The following APLF variants were observed in gnomAD, a reference collection of about 807,000 sequenced individuals.
The protein encoded by APLF is aprataxin and PNKP like factor, also known as aprataxin and PNK-like factor.
In APLF, 61 loss-of-function variants were observed where a neutral mutation model predicts 55.6. The observed-to-expected ratio is 1.10, with a 90% CI of 0.89 to 1.36. The LOEUF (loss-of-function observed/expected upper bound fraction) is 1.36. APLF is among the 40% of genes most tolerant of loss of function. The pLI, the probability that APLF is intolerant of heterozygous loss-of-function variation, is 0.00. For missense variants in APLF, 611 were observed against 602.5 expected (o/e 1.01, Z -0.15); for synonymous variants, 207 against 214.8 (o/e 0.96, Z 0.32).
Position 68,513,106 on chromosome 2 carries a change from A to T in APLF, c.368A>T (p.Asn123Ile). Residue 123 changes from asparagine to isoleucine, a missense_variant, in exon 4 of 10, where the codon AAT (asparagine) becomes ATT (isoleucine). By Grantham distance (149) the Asn-to-Ile change is moderately radical (BLOSUM62 -3). Coordinates refer to ENST00000303795, the MANE Select transcript of APLF (RefSeq NM_173545.3). The part of the protein sequence containing the change: ...LRNSQVLDED[N>I]ILNETPKSPV... Reference sequence around the variant, plus strand: ...AACAGTCAAGTGCTTGATGAAGATAATATATTGAATGAAACACCAAAATCC... The same window carrying T: ...AACAGTCAAGTGCTTGATGAAGATATTATATTGAATGAAACACCAAAATCC... The T allele has an allele frequency of 6.2e-7, 1 of 1,609,704 alleles. No individual in the cohort carries two copies. The highest frequency in any genetic ancestry group is 8.5e-7 in the Non-Finnish European group (1 of 1,177,374).
chr2:68,567,263 G>A (rs952942863), intron 8 of APLF, 78 bp from the exon 9 acceptor site: 41 of 1,210,786 alleles, frequency 3.4e-5, no homozygotes, highest in Non-Finnish European at 4.8e-5. Context: ...AAGTTAGTCA[G>A]TGTTCTGGTT....
intron 6 of APLF, among the ~76,000 whole-genome samples, chr2:68,533,206 G>A (rs1215709264): frequency 6.6e-6 from 1 of 152,116 alleles, no homozygotes; most frequent in Non-Finnish European, 1.5e-5. Flanking sequence ...CCAGATGCTG[G>A]TGCCTTGATC....
Position 68,577,941 on chromosome 2 carries a change from G to A in APLF, c.1455G>A (p.Trp485Ter). 6.2e-7 allele frequency: 1 copy of A among 1,613,562 alleles called. No homozygotes were observed. The change falls in exon 10 of 10, where the codon TGG (tryptophan) becomes TGA (stop). Residue 485 changes from tryptophan (W) to a stop codon, truncating the protein, a stop_gained. Coordinates refer to ENST00000303795, the MANE Select transcript of APLF (RefSeq NM_173545.3). LOFTEE classifies it high-confidence loss of function. ...AGCCAACAGATGAAGATTCTGACTGGGAACCAGGAAAGGAAGATGAAGAGA... is the reference window on the plus strand; with the variant it reads ...AGCCAACAGATGAAGATTCTGACTGAGAACCAGGAAAGGAAGATGAAGAGA... ...DYEPTDEDSD[W>*]EPGKEDEEKE...
At chr2:68,502,068 C>T (rs1452734175) in intron 2 of APLF, among the ~76,000 whole-genome samples, 1 of 152,118 alleles carries the variant, frequency 6.6e-6, no homozygotes, top group Non-Finnish European at 1.5e-5. Context: ...GCATTTATTA[C>T]AGACCCACTC....
intron 8 of APLF, among the ~76,000 whole-genome samples, chr2:68,560,275 C>CT (rs1020400509): frequency 1.1e-4 from 16 of 152,212 alleles, no homozygotes; most frequent in Non-Finnish European, 2.2e-4. Flanking sequence ...TTACTACTGA[C>CT]TGAGTCTCTG....
chr2:68,468,830 G>C (rs1207607874), intron 1 of APLF, among the ~76,000 whole-genome samples: 1 of 152,158 alleles, frequency 6.6e-6, no homozygotes, highest in Non-Finnish European at 1.5e-5. Context: ...GGAGACACCT[G>C]TGTCAGTGAG....
intron 8 of APLF, chr2:68,563,234 C>G: frequency 1.0e-6 from 1 of 985,274 alleles, no homozygotes; most frequent in Non-Finnish European, 1.2e-6. Flanking sequence ...CAACTTTCCC[C>G]TTCTAAGGCA....
intron 2 of APLF, among the ~76,000 whole-genome samples, chr2:68,499,525 A>C (rs995202605): frequency 6.6e-6 from 1 of 152,170 alleles, no homozygotes; most frequent in Non-Finnish European, 1.5e-5. Flanking sequence ...GGTCCAATTC[A>C]ATCTCCTTTC....
rs1675468852 is a variant in APLF, at chr2:68,467,635, T to A, written c.-97T>A. 2.8e-6 allele frequency: 3 copies of A among 1,072,078 alleles called. No homozygotes were observed. Among genetic ancestry groups the A allele is most frequent in the Admixed American group, 4.3e-5 (1 of 23,488 alleles). 66.4% of individuals were successfully genotyped at this position (1,072,078 alleles called of 1,614,324 possible). On this transcript the variant is annotated 5_prime_UTR_variant, in exon 1 of 10. Transcript: ENST00000303795. Reference sequence around the variant, plus strand: ...GCCTTTGAGGCCCTCCCTCGGTGTTTTTTCCCAGGGCGTGGGCTTGCCCCG... The same window carrying A: ...GCCTTTGAGGCCCTCCCTCGGTGTTATTTCCCAGGGCGTGGGCTTGCCCCG...
intron 1 of APLF, among the ~76,000 whole-genome samples, chr2:68,471,372 T>C (rs890309295): frequency 3.3e-5 from 5 of 152,192 alleles, no homozygotes; most frequent in African/African-American, 1.2e-4. Context: ...AAATATATAC[T>C]ATGGTTGGAT....
intron 5 of APLF, 92 bp from the exon 6 acceptor site, chr2:68,525,969 C>T (rs571992454): frequency 2.3e-5 from 29 of 1,281,286 alleles, no homozygotes; most frequent in Non-Finnish European, 2.8e-5. Context: ...AGGCTGGTCT[C>T]GAATCCTTTT....
chr2:68,572,172 G>C (rs1671487747), intron 9 of APLF, among the ~76,000 whole-genome samples: 1 of 152,000 alleles, frequency 6.6e-6, no homozygotes, highest in Non-Finnish European at 1.5e-5. Context: ...AGAGAATATG[G>C]AATATGAGAA....
At chr2:68,479,063 C>T (rs913031597) in intron 1 of APLF, among the ~76,000 whole-genome samples, 1 of 152,090 alleles carries the variant, frequency 6.6e-6, no homozygotes, top group Non-Finnish European at 1.5e-5. Context: ...CACCCAGAGC[C>T]CCATGAGTTG....
intron 1 of APLF, among the ~76,000 whole-genome samples, chr2:68,468,868 C>T (rs1467503093): frequency 6.6e-6 from 1 of 152,038 alleles, no homozygotes; most frequent in East Asian, 1.9e-4. Flanking sequence ...GGAGTGTGTA[C>T]TGTTGTCCTG....
chr2:68,495,399 G>A (rs1447949473), intron 2 of APLF, among the ~76,000 whole-genome samples: 3 of 152,228 alleles, frequency 2.0e-5, no homozygotes, highest in Admixed American at 6.5e-5. Context: ...CATTAGGGCA[G>A]TCAGTAAGTC....
Position 68,529,165 on chromosome 2 carries a change from G to C in APLF, c.804+2923G>C, listed in dbSNP as rs567141470. 5.7e-5 allele frequency: 72 copies of C among 1,272,666 alleles called. No individual in the cohort carries two copies. In the African/African-American group the frequency reaches 1.4e-3, roughly 25 times the overall value. 78.8% of individuals were successfully genotyped at this position (1,272,666 alleles called of 1,614,324 possible). A position where few individuals can be genotyped will look rare whatever the true frequency, so the allele number is the denominator to read the frequency against. ...CAGACAGCACGGGTTTCTTCCTTGA[G>C]GGGGGGCTCCAGACAACAGGAGGCA... On this transcript the variant is annotated intron_variant, in intron 6 of 9. Coordinates refer to ENST00000303795, the MANE Select transcript of APLF (RefSeq NM_173545.3). The surrounding 1 kb of genome is among the most constrained non-coding windows in gnomAD (Gnocchi z 4.4).
chr2:68,473,589 C>T (rs546220407), intron 1 of APLF, among the ~76,000 whole-genome samples: 10 of 152,278 alleles, frequency 6.6e-5, no homozygotes, highest in Non-Finnish European at 1.2e-4. Flanking sequence ...AAGAAACCGC[C>T]AAACTGTCTT....
chr2:68,469,239 G>T (rs973229961), intron 1 of APLF, among the ~76,000 whole-genome samples: 2 of 152,244 alleles, frequency 1.3e-5, no homozygotes, highest in South Asian at 4.2e-4. Context: ...AAACTTAAGA[G>T]TATGTGCTTA....
Position 68,561,048 on chromosome 2 carries a change from A to G in APLF, c.1287-6293A>G, listed in dbSNP as rs897338957. On this transcript the variant is annotated intron_variant, in intron 8 of 9. Transcript: ENST00000303795. ...ATATTCAGCAGGAATTTTATATATT[A>G]TTGAAGGAAAAATTCAGCTATTTAA... Among the ~76,000 whole-genome samples the G allele has an allele frequency of 8.5e-5, 13 of 152,154 alleles. No homozygotes were observed. In the South Asian group the frequency reaches 2.3e-3, roughly 27 times the overall value.
Sources: gnomAD v4.1 joint callset for allele counts (sites outside exome capture counted in the v4.1 genomes callset) on GRCh38, gnomAD v4.1.1 for gene constraint, Gnocchi (gnomAD v3.1) non-coding constraint, MANE v1.5 for transcripts, NCBI Gene and HGNC (gene_info 2026-07-23, HGNC 2026-07-21) for gene names.